The following MECOM variants were observed in gnomAD, a reference collection of about 807,000 sequenced individuals.
MECOM encodes histone-lysine N-methyltransferase MECOM.
Under a neutral mutation model 116.3 loss-of-function variants are expected in MECOM, and 13 were observed. The observed-to-expected ratio is 0.11, with a 90% CI of 0.07 to 0.18. The LOEUF (loss-of-function observed/expected upper bound fraction) is 0.18. Among genes scored for constraint, MECOM ranks in the 10% least tolerant of loss-of-function variants. The pLI is 1.00. For synonymous variants in MECOM, 528 were observed against 535.2 expected (o/e 0.99, Z 0.19); for missense variants, 1,299 against 1,509.0 (o/e 0.86, Z 2.31).
intron 1 of MECOM, among the ~76,000 whole-genome samples, chr3:169,570,035 A>G (rs890117345): frequency 6.6e-6 from 1 of 152,208 alleles, no homozygotes; most frequent in African/African-American, 2.4e-5. Context: ...CAAAAAATCA[A>G]TGAATCCAGG....
chr3:169,534,043 A>G (rs116123056), intron 1 of MECOM, among the ~76,000 whole-genome samples: 10 of 152,324 alleles, frequency 6.6e-5, no homozygotes, highest in African/African-American at 2.4e-4. Flanking sequence ...TCAAAAACCA[A>G]TCAAAGCTGT....
chr3:169,343,588 C>T (rs1340859520), intron 2 of MECOM, among the ~76,000 whole-genome samples: 1 of 152,092 alleles, frequency 6.6e-6, no homozygotes, highest in Non-Finnish European at 1.5e-5. Flanking sequence ...TGTTAAATAG[C>T]TTCGTTAATA....
intron 1 of MECOM, among the ~76,000 whole-genome samples, chr3:169,629,876 G>C: frequency 6.6e-6 from 1 of 152,190 alleles, no homozygotes; most frequent in East Asian, 1.9e-4. Flanking sequence ...AACAACCACT[G>C]GTGGTCCATG....
chr3:169,170,529 G>A (rs908721016), intron 2 of MECOM, among the ~76,000 whole-genome samples: 7 of 151,896 alleles, frequency 4.6e-5, no homozygotes, highest in African/African-American at 9.7e-5. Flanking sequence ...CAGCTCAAAT[G>A]TATATACACT....
chr3:169,334,181 A>G (rs1723208511), intron 2 of MECOM, among the ~76,000 whole-genome samples: 1 of 152,132 alleles, frequency 6.6e-6, no homozygotes, highest in African/African-American at 2.4e-5. Flanking sequence ...CAATTTGCAT[A>G]ACTATTTTTA....
At chr3:169,271,434 GA>G (rs1249866367) in intron 2 of MECOM, among the ~76,000 whole-genome samples, 1 of 152,128 alleles carries the variant, frequency 6.6e-6, no homozygotes, top group Non-Finnish European at 1.5e-5. Context: ...GCCACAAAAG[GA>G]AAAGGCATCC....
chr3:169,591,800 G>A (rs761182937), intron 1 of MECOM, among the ~76,000 whole-genome samples: 11 of 151,998 alleles, frequency 7.2e-5, no homozygotes, highest in East Asian at 1.9e-4. Flanking sequence ...CATGCTCTCC[G>A]GCAACAATAT....
At chr3:169,344,386 A>G (rs1054566264) in intron 2 of MECOM, among the ~76,000 whole-genome samples, 1 of 152,194 alleles carries the variant, frequency 6.6e-6, no homozygotes, top group Non-Finnish European at 1.5e-5. Context: ...CATCAACTAC[A>G]GTGTGTTTCT....
intron 16 of MECOM, among the ~76,000 whole-genome samples, chr3:169,088,174 A>T (rs1203537463): frequency 1.3e-5 from 2 of 152,210 alleles, no homozygotes; most frequent in African/African-American, 2.4e-5. Flanking sequence ...CTAATGGATC[A>T]GGCAATTAGA....
intron 2 of MECOM, among the ~76,000 whole-genome samples, chr3:169,314,140 C>G (rs1318887885): frequency 2.0e-5 from 3 of 152,238 alleles, no homozygotes; most frequent in Non-Finnish European, 4.4e-5. Flanking sequence ...TCCTTGTCTT[C>G]TTCACAAGGT....
At chr3:169,411,462 C>T (rs925587715) in intron 1 of MECOM, among the ~76,000 whole-genome samples, 2 of 152,146 alleles carry the variant, frequency 1.3e-5, no homozygotes, top group African/African-American at 4.8e-5. Flanking sequence ...CAGGTTAAAA[C>T]CCAAGGATAG....
chr3:169,524,331 A>T (rs1239006067), intron 1 of MECOM, among the ~76,000 whole-genome samples: 1 of 152,114 alleles, frequency 6.6e-6, no homozygotes, highest in African/African-American at 2.4e-5. Flanking sequence ...AAGAGCTGGG[A>T]TTCAAATCAA....
intron 1 of MECOM, among the ~76,000 whole-genome samples, chr3:169,499,086 A>G (rs1754198995): frequency 6.6e-6 from 1 of 152,030 alleles, no homozygotes; most frequent in African/African-American, 2.4e-5. Context: ...ATATAAAACT[A>G]TATACATATG....
At position 169,268,269 on chromosome 3, in the gene MECOM, C is replaced by G. The variant is rs561066756; in HGVS notation, c.375+112918G>C. Among the ~76,000 whole-genome samples, 11 of 152,264 alleles carry G rather than the reference C, an allele frequency of 7.2e-5. No individual in the cohort carries two copies. In the South Asian group the frequency reaches 1.0e-3, roughly 14 times the overall value. ...TCTCCTCCTCTAATATTTAACCAAC[C>G]TAAACACTCAGGGGAAAAATGTTAT... On this transcript the variant is annotated intron_variant, in intron 2 of 16. Coordinates refer to ENST00000651503, the MANE Select transcript of MECOM (RefSeq NM_004991.4).
intron 10 of MECOM, among the ~76,000 whole-genome samples, chr3:169,107,479 G>C (rs925840968): frequency 6.6e-6 from 1 of 152,092 alleles, no homozygotes; most frequent in African/African-American, 2.4e-5. Context: ...TTCTGCCCTA[G>C]GATATATAGA....
chr3:169,637,246 G>T (rs554675520), intron 1 of MECOM, among the ~76,000 whole-genome samples: 1 of 152,232 alleles, frequency 6.6e-6, no homozygotes, highest in Non-Finnish European at 1.5e-5. Flanking sequence ...GTCTTCTAAT[G>T]ACTGCAGCCC....
intron 1 of MECOM, among the ~76,000 whole-genome samples, chr3:169,550,511 G>T (rs57253035): frequency 0.1 from 15,211 of 152,244 alleles, 1,053 homozygotes; most frequent in East Asian, 0.19. Flanking sequence ...ACCAGGCTAC[G>T]CCACAAGGAA....
intron 2 of MECOM, among the ~76,000 whole-genome samples, chr3:169,324,057 T>G (rs1394177335): frequency 6.6e-6 from 1 of 152,176 alleles, no homozygotes; most frequent in East Asian, 1.9e-4. Context: ...CTCCATGGCT[T>G]GCAGGAATGT....
intron 1 of MECOM, among the ~76,000 whole-genome samples, chr3:169,409,464 G>A (rs1737213761): frequency 6.6e-6 from 1 of 152,112 alleles, no homozygotes; most frequent in Non-Finnish European, 1.5e-5. Context: ...GTTTTTGATA[G>A]CAATTTGTTT....
Sources: allele counts gnomAD v4.1 joint callset (sites outside exome capture counted in the v4.1 genomes callset), GRCh38; gene constraint gnomAD v4.1.1; transcripts MANE v1.5; gene names NCBI Gene and HGNC (gene_info 2026-07-23, HGNC 2026-07-21).